MTSS1: variants seen among roughly 807,000 people sequenced by gnomAD.
MTSS1 encodes MTSS I-BAR domain containing 1.
A neutral mutation model predicts 79.0 loss-of-function variants in MTSS1; 18 were observed. The observed-to-expected ratio is 0.23, with a 90% CI of 0.16 to 0.34. The LOEUF (loss-of-function observed/expected upper bound fraction) is 0.34. Ranked by LOEUF, MTSS1 falls within the 10% of genes least tolerant of loss-of-function variation. The probability of loss-of-function intolerance (pLI) is 1.00; values close to 1 mark genes in which losing one functional copy is unlikely to be tolerated. For missense variants in MTSS1, 815 were observed against 986.2 expected (o/e 0.83, Z 2.33); for synonymous variants, 341 against 368.6 (o/e 0.93, Z 0.86).
At chr8:124,670,670 C>T (rs1823987553) in intron 3 of MTSS1, among the ~76,000 whole-genome samples, 1 of 152,172 alleles carries the variant, frequency 6.6e-6, no homozygotes, top group Admixed American at 6.5e-5. Context: ...GCTTTCATAA[C>T]ATCATCTCAT....
chr8:124,563,306 C>A, intron 9 of MTSS1: 1 of 358,860 alleles, frequency 2.8e-6, no homozygotes, highest in South Asian at 2.6e-5. Context: ...ACGTCAAGTG[C>A]GCCCAACTCT....
intron 5 of MTSS1, among the ~76,000 whole-genome samples, chr8:124,587,921 A>G (rs772199559): frequency 2.0e-5 from 3 of 152,236 alleles, no homozygotes; most frequent in Non-Finnish European, 4.4e-5. Flanking sequence ...GGTTTGTTGA[A>G]GTTCTACATA....
chr8:124,668,121 C>G (rs1316190599), intron 3 of MTSS1, among the ~76,000 whole-genome samples: 1 of 152,108 alleles, frequency 6.6e-6, no homozygotes, highest in African/African-American at 2.4e-5. Context: ...CTTTCACCTC[C>G]ACCGCTGGGC....
intron 3 of MTSS1, among the ~76,000 whole-genome samples, chr8:124,681,096 A>C (rs1021984508): frequency 6.6e-6 from 1 of 152,140 alleles, no homozygotes; most frequent in Non-Finnish European, 1.5e-5. Flanking sequence ...TCAGATGCAA[A>C]AAGGAAAATT....
At chr8:124,680,295 G>A (rs553108639) in intron 3 of MTSS1, among the ~76,000 whole-genome samples, 10 of 152,296 alleles carry the variant, frequency 6.6e-5, no homozygotes, top group Admixed American at 3.9e-4. Flanking sequence ...AGTACTAGGC[G>A]AGATCAAGAG....
At chr8:124,608,894 G>C (rs1835297086) in intron 3 of MTSS1, among the ~76,000 whole-genome samples, 1 of 152,176 alleles carries the variant, frequency 6.6e-6, no homozygotes, top group Admixed American at 6.5e-5. Flanking sequence ...TCTCAAAAGA[G>C]AGCTCAAGAC....
chr8:124,558,385 C>T (rs1025561728), intron 10 of MTSS1, among the ~76,000 whole-genome samples: 10 of 152,122 alleles, frequency 6.6e-5, no homozygotes, highest in African/African-American at 2.2e-4. Context: ...AGTGACATGG[C>T]TCATCCAACG....
intron 9 of MTSS1, 141 bp downstream of exon 9, chr8:124,565,521 T>C (rs1826211684): frequency 8.4e-6 from 6 of 710,754 alleles, no homozygotes; most frequent in Admixed American, 6.1e-5. Flanking sequence ...ACCAAAATTA[T>C]TACCATTCTT....
rs535537106 is a variant in MTSS1, at chr8:124,597,108, C to T, written c.209-5873G>A. ...GCAAAAACTAACGTGATTTCAAGGACGGTGAAGACAGGTGCCAGGCCCTTG... is the reference window on the plus strand; with the variant it reads ...GCAAAAACTAACGTGATTTCAAGGATGGTGAAGACAGGTGCCAGGCCCTTG... On this transcript the variant is annotated intron_variant, in intron 3 of 13. Coordinates refer to ENST00000518547, the MANE Select transcript of MTSS1 (RefSeq NM_014751.6). The surrounding 1 kb of genome is among the most constrained non-coding windows in gnomAD (Gnocchi z 4.6). Among the ~76,000 whole-genome samples the T allele has an allele frequency of 7.7e-4, 118 of 152,260 alleles. No homozygotes were observed. Among genetic ancestry groups the T allele is most frequent in the African/African-American group, 1.6e-3 (66 of 41,552 alleles).
intron 5 of MTSS1, among the ~76,000 whole-genome samples, chr8:124,585,931 G>A (rs1388913935): frequency 6.6e-6 from 1 of 152,162 alleles, no homozygotes; most frequent in Non-Finnish European, 1.5e-5. Context: ...ATCACACAGT[G>A]GGGAGACTGG....
chr8:124,555,921 A>G lies in MTSS1; in HGVS notation c.1405-17T>C, dbSNP rs12375359. On this transcript the variant is annotated splice_polypyrimidine_tract_variant and intron_variant, in intron 12 of 13. Coordinates refer to ENST00000518547, the MANE Select transcript of MTSS1 (RefSeq NM_014751.6). ...CTCACCAGGCTGCAGGTTGGAGGAGAGAAATACACAGGTTGCTTTAGGGGG... is the reference window on the plus strand; with the variant it reads ...CTCACCAGGCTGCAGGTTGGAGGAGGGAAATACACAGGTTGCTTTAGGGGG... The G allele has an allele frequency of 0.19, 308,933 of 1,595,342 alleles. 31,448 individuals are homozygous for G. Among genetic ancestry groups the G allele is most frequent in the African/African-American group, 0.31 (23,227 of 73,876 alleles).
chr8:124,555,406 C>T lies in MTSS1; in HGVS notation c.1567+336G>A, dbSNP rs558916270. On this transcript the variant is annotated intron_variant, in intron 13 of 13. Coordinates refer to ENST00000518547, the MANE Select transcript of MTSS1 (RefSeq NM_014751.6). ...GACTACAGGCGCCTGCCACCACGCCCGGCTAATTTTTTTGTATTTTTAGTA... is the reference window on the plus strand; with the variant it reads ...GACTACAGGCGCCTGCCACCACGCCTGGCTAATTTTTTTGTATTTTTAGTA... Among the ~76,000 whole-genome samples, 264 of 152,234 alleles carry T rather than the reference C, an allele frequency of 1.7e-3. 2 individuals carry two copies. Among genetic ancestry groups the T allele is most frequent in the Non-Finnish European group, 2.5e-3 (173 of 68,016 alleles).
chr8:124,578,441 A>AC (rs751162824), intron 6 of MTSS1, among the ~76,000 whole-genome samples: 33 of 151,376 alleles, frequency 2.2e-4, no homozygotes, highest in Non-Finnish European at 3.8e-4. Context: ...TCACTACCCT[A>AC]CCCCCAGGCT....
chr8:124,594,550 TAAAGG>T (rs573633084), intron 3 of MTSS1, among the ~76,000 whole-genome samples: 16 of 150,130 alleles, frequency 1.1e-4, no homozygotes, highest in Middle Eastern at 3.5e-3. Flanking sequence ...ACAAAAGAAA[TAAAGG>T]AAAGGAAAGG....
rs775009938 is a variant in MTSS1, at chr8:124,550,943, T to C, written c.*2049A>G. 4 of 152,622 alleles carry C rather than the reference T, an allele frequency of 2.6e-5. No individual in the cohort carries two copies. Among genetic ancestry groups the C allele is most frequent in the Admixed American group, 6.5e-5 (1 of 15,282 alleles). The allele number at this position is 152,622 out of a possible 1,614,324, so 9.5% of individuals were successfully genotyped here. A position where few individuals can be genotyped will look rare whatever the true frequency, so the allele number is the denominator to read the frequency against. On this transcript the variant is annotated 3_prime_UTR_variant, in exon 14 of 14. Coordinates refer to ENST00000518547, the MANE Select transcript of MTSS1 (RefSeq NM_014751.6). ...GTACAAACTAGCAACTAAAGCACAATAATTTACTGTTAGAAACGATTTCTT... is the reference window on the plus strand; with the variant it reads ...GTACAAACTAGCAACTAAAGCACAACAATTTACTGTTAGAAACGATTTCTT...
Position 124,670,714 on chromosome 8 carries a change from G to T in MTSS1, c.208+28812C>A, listed in dbSNP as rs112954972. Among the ~76,000 whole-genome samples the T allele has an allele frequency of 1.7e-3, 261 of 152,214 alleles. 3 individuals carry two copies. Among genetic ancestry groups the T allele is most frequent in the African/African-American group, 5.3e-3 (222 of 41,522 alleles). The stretch of plus-strand genomic sequence containing the variant: ...TTAGACTGGGGCAGTGAAGTCAGAG[G>T]TTAAGGACAAGCAATAAAAAGAGCT... On this transcript the variant is annotated intron_variant, in intron 3 of 13. Transcript: ENST00000518547.
chr8:124,661,130 C>A lies in MTSS1; in HGVS notation c.208+38396G>T, dbSNP rs192896125. Among the ~76,000 whole-genome samples, 448 of 152,324 alleles carry A rather than the reference C, an allele frequency of 2.9e-3. 1 individual carries two copies. The highest frequency in any genetic ancestry group is 0.011 in the African/African-American group (437 of 41,584). On this transcript the variant is annotated intron_variant, in intron 3 of 13. Transcript: ENST00000518547. ...CATTAAAAAGTTTATCATTCAGAAC[C>A]TTCATCCTTGGAGGAAAGGGTTTCA...
chr8:124,671,034 T>C (rs996370816), intron 3 of MTSS1, among the ~76,000 whole-genome samples: 2 of 81,316 alleles, frequency 2.5e-5, no homozygotes, highest in Non-Finnish European at 4.6e-5. Flanking sequence ...TCTAGAACAT[T>C]TTTCTTTTTT....
At chr8:124,584,920 C>T (rs55657620) in intron 6 of MTSS1, among the ~76,000 whole-genome samples, 167 bp downstream of exon 6, 8,196 of 152,260 alleles carry the variant, frequency 0.054, 254 homozygotes, top group South Asian at 0.11. Flanking sequence ...AAATTAATAC[C>T]TATTCTGCAC....
Sources: allele counts gnomAD v4.1 joint callset (sites outside exome capture counted in the v4.1 genomes callset), GRCh38; gene constraint gnomAD v4.1.1; non-coding constraint Gnocchi (gnomAD v3.1); transcripts MANE v1.5; gene names NCBI Gene and HGNC (gene_info 2026-07-23, HGNC 2026-07-21).